TARBP1: variants seen among roughly 807,000 people sequenced by gnomAD.
The protein encoded by TARBP1 is tRNA (guanosine(18)-2'-O)-methyltransferase TARBP1.
A neutral mutation model predicts 178.6 loss-of-function variants in TARBP1; 144 were observed. The ratio of observed to expected loss-of-function variants is 0.81; its 90% CI spans 0.70 to 0.93. The LOEUF (loss-of-function observed/expected upper bound fraction) is 0.93, where lower values mean the gene tolerates loss of function less well. TARBP1 is among the 40% of genes least tolerant of loss of function. The pLI is 0.00. For missense variants in TARBP1, 2,067 were observed against 2,011.7 expected (o/e 1.03, Z -0.53); for synonymous variants, 787 against 781.0 (o/e 1.01, Z -0.13).
At chr1:234,413,007 C>T (rs532940628) in intron 22 of TARBP1, among the ~76,000 whole-genome samples, 81 of 152,284 alleles carry the variant, frequency 5.3e-4, no homozygotes, top group African/African-American at 1.9e-3. Flanking sequence ...CCTCGACCCC[C>T]GACCCGCCGG....
In TARBP1 at chr1:234,392,466, AC is replaced by A; in HGVS notation, c.4646del (p.Ser1549IlefsTer2). On this transcript the variant is annotated frameshift_variant, in exon 29 of 30. Coordinates refer to ENST00000040877, the MANE Select transcript of TARBP1 (RefSeq NM_005646.4). LOFTEE classifies it high-confidence loss of function. ...GAAAGCAATATTGGGTTAGGTCTAA[AC>A]TTTTGGCAGTTTGTTCCACTCCAAT... ...TIIGVEQTAK[S>X]LDLTQYCFPE... 2 of 1,614,190 alleles carry A rather than the reference AC, an allele frequency of 1.2e-6. No homozygotes were observed. Among genetic ancestry groups the A allele is most frequent in the South Asian group, 2.2e-5 (2 of 91,082 alleles).
chr1:234,404,930 G>C (rs537195707), intron 24 of TARBP1, among the ~76,000 whole-genome samples: 29 of 152,304 alleles, frequency 1.9e-4, no homozygotes, highest in African/African-American at 7.0e-4. Context: ...TGCATCAAAA[G>C]TGAAGGGAGG....
At chr1:234,466,771 G>A (rs928630586) in intron 4 of TARBP1, among the ~76,000 whole-genome samples, 10 of 151,836 alleles carry the variant, frequency 6.6e-5, no homozygotes, top group South Asian at 2.1e-4. Flanking sequence ...GCTGAGGCAG[G>A]GGGATCACTT....
intron 9 of TARBP1, among the ~76,000 whole-genome samples, chr1:234,457,260 A>C (rs1224657253): frequency 6.6e-6 from 1 of 152,150 alleles, no homozygotes; most frequent in African/African-American, 2.4e-5. Context: ...AGTCAGGACA[A>C]ACTCAGAATT....
chr1:234,433,279 A>G lies in TARBP1; in HGVS notation c.2394+131T>C, dbSNP rs552168435. Reference sequence around the variant, plus strand: ...TCAATCTTAACTACATCTTATCACTAGAGGGTATATTTTAAAACTGAATTT... The same window carrying G: ...TCAATCTTAACTACATCTTATCACTGGAGGGTATATTTTAAAACTGAATTT... On this transcript the variant is annotated intron_variant, in intron 14 of 29. Coordinates refer to ENST00000040877, the MANE Select transcript of TARBP1 (RefSeq NM_005646.4). 2.0e-4 allele frequency: 185 copies of G among 942,794 alleles called. 1 individual carries two copies. The highest frequency in any genetic ancestry group is 1.8e-3 in the South Asian group (114 of 63,280). The allele number at this position is 942,794 out of a possible 1,614,324, so 58.4% of individuals were successfully genotyped here. A position where few individuals can be genotyped will look rare whatever the true frequency, so the allele number is the denominator to read the frequency against.
chr1:234,422,703 TAA>T (rs1474127149), intron 20 of TARBP1, among the ~76,000 whole-genome samples: 3 of 152,164 alleles, frequency 2.0e-5, no homozygotes, highest in Admixed American at 6.5e-5. Context: ...CAGTCTACAG[TAA>T]GTTATTGTAC....
At position 234,478,853 on chromosome 1, in the gene TARBP1, G is replaced by A. The variant is rs1404897293; in HGVS notation, c.251C>T (p.Pro84Leu). Residue 84 changes from proline to leucine, a missense_variant, in exon 1 of 30, where the codon CCG becomes CTG. Physicochemically the swap from Pro to Leu is moderately conservative, Grantham distance 98. Coordinates refer to ENST00000040877, the MANE Select transcript of TARBP1 (RefSeq NM_005646.4). ...GTGGCGAGGCTGCAGACTGGGGTCC[G>A]GGCCGCCCGCGGGGCGTCCGCGCAG... The part of the protein sequence containing the change: ...RSLRGRPAGG[P>L]DPSLQPRHRR... The A allele has an allele frequency of 1.6e-6, 2 of 1,261,026 alleles. No individual in the cohort carries two copies. The highest frequency in any genetic ancestry group is 1.6e-5 in the African/African-American group (1 of 63,424). The allele number at this position is 1,261,026 out of a possible 1,614,324, so 78.1% of individuals were successfully genotyped here. A position where few individuals can be genotyped will look rare whatever the true frequency, so the allele number is the denominator to read the frequency against.
intron 20 of TARBP1, among the ~76,000 whole-genome samples, chr1:234,421,591 AGTACATG>A (rs1663101697): frequency 6.6e-6 from 1 of 152,244 alleles, no homozygotes; most frequent in South Asian, 2.1e-4. Context: ...AAGCCACCCC[AGTACATG>A]GACAGTGCAA....
At chr1:234,408,804 T>A (rs1351738088) in intron 23 of TARBP1, among the ~76,000 whole-genome samples, 1 of 152,222 alleles carries the variant, frequency 6.6e-6, no homozygotes, top group African/African-American at 2.4e-5. Flanking sequence ...GGGAGATCGA[T>A]TTGAGTACTA....
chr1:234,467,364 T>C (rs1224415955), intron 4 of TARBP1, 138 bp downstream of exon 4: 5 of 857,000 alleles, frequency 5.8e-6, no homozygotes, highest in Non-Finnish European at 5.0e-6. Context: ...TTTTTCCAAA[T>C]AGGAAAGCTG....
chr1:234,452,115 A>G (rs938186273), intron 9 of TARBP1, among the ~76,000 whole-genome samples: 3 of 152,088 alleles, frequency 2.0e-5, no homozygotes, highest in Non-Finnish European at 2.9e-5. Flanking sequence ...CTTTCCCTCT[A>G]TCAAATCTGT....
At chr1:234,477,183 AAAACAAAC>A (rs144297836) in intron 1 of TARBP1, among the ~76,000 whole-genome samples, 4 of 151,938 alleles carry the variant, frequency 2.6e-5, no homozygotes, top group African/African-American at 7.3e-5. Flanking sequence ...GAAACTCCAT[AAAACAAAC>A]AAACAAACAA....
At chr1:234,422,811 C>T (rs1663264808) in intron 20 of TARBP1, among the ~76,000 whole-genome samples, 3 of 152,166 alleles carry the variant, frequency 2.0e-5, no homozygotes, top group African/African-American at 2.4e-5. Context: ...GTAATTATTA[C>T]ACATTGTATG....
chr1:234,478,355 C>T lies in TARBP1; in HGVS notation c.749G>A (p.Arg250His), dbSNP rs532088039. 3 of 1,267,474 alleles carry T rather than the reference C, an allele frequency of 2.4e-6. No homozygotes were observed. The highest frequency in any genetic ancestry group is 4.1e-5 in the Admixed American group (1 of 24,166). The allele number at this position is 1,267,474 out of a possible 1,614,324, so 78.5% of individuals were successfully genotyped here. A position where few individuals can be genotyped will look rare whatever the true frequency, so the allele number is the denominator to read the frequency against. The change falls in exon 1 of 30, where the codon CGC (arginine) becomes CAC (histidine). Residue 250 changes from arginine to histidine, a missense_variant. By Grantham distance (29) the Arg-to-His change is conservative. Coordinates refer to ENST00000040877, the MANE Select transcript of TARBP1 (RefSeq NM_005646.4). ...LLPEPGGDRA[R>H]GAREAGPDAR... Reference sequence around the variant, plus strand: ...GTCCGGGCCCGCCTCGCGCGCGCCGCGGGCGCGGTCGCCGCCGGGCTCGGG... The same window carrying T: ...GTCCGGGCCCGCCTCGCGCGCGCCGTGGGCGCGGTCGCCGCCGGGCTCGGG...
intron 2 of TARBP1, among the ~76,000 whole-genome samples, chr1:234,471,865 A>G (rs889605456): frequency 6.6e-6 from 1 of 151,968 alleles, no homozygotes; most frequent in African/African-American, 2.4e-5. Flanking sequence ...TTTAGCACAT[A>G]TAAGTAATTA....
intron 4 of TARBP1, among the ~76,000 whole-genome samples, chr1:234,466,820 G>A (rs1668486183): frequency 1.3e-5 from 2 of 152,032 alleles, no homozygotes; most frequent in South Asian, 2.1e-4. Flanking sequence ...CCGAGATCAT[G>A]CCACTGCACT....
intron 22 of TARBP1, among the ~76,000 whole-genome samples, chr1:234,411,099 G>T (rs1294563294): frequency 6.6e-6 from 1 of 152,136 alleles, no homozygotes; most frequent in African/African-American, 2.4e-5. Context: ...AGTACAGTGT[G>T]CCCTCTGTAT....
intron 1 of TARBP1, among the ~76,000 whole-genome samples, chr1:234,474,380 T>C (rs745377723): frequency 6.6e-6 from 1 of 150,798 alleles, no homozygotes; most frequent in Non-Finnish European, 1.5e-5. Context: ...GGAAGTTCAA[T>C]ATCTAAAAAA....
At chr1:234,415,218 C>T (rs969867800) in intron 22 of TARBP1, among the ~76,000 whole-genome samples, 1 of 151,968 alleles carries the variant, frequency 6.6e-6, no homozygotes, top group Non-Finnish European at 1.5e-5. Context: ...CTGATAGCAA[C>T]AAATGCCTGA....
Sources: gnomAD v4.1 joint callset for allele counts (sites outside exome capture counted in the v4.1 genomes callset) on GRCh38, gnomAD v4.1.1 for gene constraint, MANE v1.5 for transcripts, NCBI Gene and HGNC (gene_info 2026-07-23, HGNC 2026-07-21) for gene names.